TNS1: variants seen among roughly 807,000 people sequenced by gnomAD.
TNS1 encodes tensin-1.
In TNS1, 62 loss-of-function variants were observed where a neutral mutation model predicts 168.6. The observed-to-expected ratio is 0.37, with a 90% CI of 0.30 to 0.45. TNS1 has a LOEUF of 0.45. TNS1 is among the 20% of genes least tolerant of loss of function. TNS1 has a pLI of 1.00. For missense variants in TNS1, 2,240 were observed against 2,339.4 expected (o/e 0.96, Z 0.88); for synonymous variants, 934 against 933.2 (o/e 1.00, Z -0.02).
chr2:217,822,870 G>A (rs1220000982), intron 22 of TNS1, among the ~76,000 whole-genome samples: 1 of 152,162 alleles, frequency 6.6e-6, no homozygotes, highest in Non-Finnish European at 1.5e-5. Flanking sequence ...AGAAGCAACA[G>A]AACGCTCTTG....
At chr2:217,896,181 A>C (rs1952275221) in intron 8 of TNS1, among the ~76,000 whole-genome samples, 1 of 152,260 alleles carries the variant, frequency 6.6e-6, no homozygotes, top group African/African-American at 2.4e-5. Flanking sequence ...TAGTAAAGGC[A>C]GAGCCAGAAT....
At chr2:217,927,347 GGAA>G (rs1480098935) in intron 3 of TNS1, among the ~76,000 whole-genome samples, 1 of 152,190 alleles carries the variant, frequency 6.6e-6, no homozygotes, top group African/African-American at 2.4e-5. Context: ...AGGGATGAAG[GGAA>G]GAAGGATGGC....
chr2:217,863,427 T>C (rs1478509102), intron 18 of TNS1, among the ~76,000 whole-genome samples: 1 of 152,042 alleles, frequency 6.6e-6, no homozygotes, highest in Non-Finnish European at 1.5e-5. Context: ...CATCCTACAA[T>C]ACACAGGACA....
chr2:217,836,019 T>A lies in TNS1; in HGVS notation c.3200A>T (p.Lys1067Ile). Reference protein sequence around the residue: ...TIALNPGGRPKEPHLHSYKEA... With the variant: ...TIALNPGGRPIEPHLHSYKEA... ...AGATACAGCTTAAGGACTCACCTCT[T>A]TGGGCCGCCCTCCAGGATTGAGAGC... The change falls in exon 20 of 33, where the codon AAA becomes ATA. Residue 1067 changes from lysine (K) to isoleucine (I), a missense_variant. Around this residue, in one of 2 missense-constraint regions of TNS1, gnomAD observed 2,131 missense variants for 2,171.2 expected, o/e 0.98. Coordinates refer to ENST00000682258, the MANE Select transcript of TNS1 (RefSeq NM_001387777.1). The A allele has an allele frequency of 6.2e-7, 1 of 1,612,666 alleles. No individual in the cohort carries two copies. Among genetic ancestry groups the A allele is most frequent in the Non-Finnish European group, 8.5e-7 (1 of 1,178,950 alleles).
chr2:217,883,339 A>G (rs1446006372), intron 16 of TNS1, among the ~76,000 whole-genome samples: 1 of 152,138 alleles, frequency 6.6e-6, no homozygotes, highest in Admixed American at 6.5e-5. Flanking sequence ...ATCATAGCTC[A>G]CTGCAGCCTT....
chr2:217,883,373 T>C (rs927719533), intron 16 of TNS1, among the ~76,000 whole-genome samples: 10 of 152,188 alleles, frequency 6.6e-5, no homozygotes, highest in African/African-American at 1.4e-4. Flanking sequence ...CAAGTGATCC[T>C]CCTGCCTCAG....
At chr2:218,012,660 A>G (rs1172797681), upstream of TNS1, among the ~76,000 whole-genome samples, 2 of 151,908 alleles carry the variant, frequency 1.3e-5, no homozygotes, top group Non-Finnish European at 2.9e-5. Flanking sequence ...TACCCCATAT[A>G]GCTTCATGCC....
chr2:217,885,636 G>A (rs6714587), intron 15 of TNS1, 108 bp downstream of exon 15: 141,035 of 1,159,242 alleles, frequency 0.12, 12,309 homozygotes, highest in African/African-American at 0.35. Context: ...TCCAAGCCTG[G>A]CAGCCCAGGA....
At chr2:217,898,031 G>A (rs1952509751) in intron 7 of TNS1, 62 bp from the exon 8 acceptor site, 1 of 1,518,098 alleles carries the variant, frequency 6.6e-7, no homozygotes, top group Non-Finnish European at 8.8e-7. Context: ...GAAGGCCCCA[G>A]ATAGCTGCAC....
intron 3 of TNS1, among the ~76,000 whole-genome samples, chr2:217,926,445 GAGA>G (rs1378702078): frequency 1.3e-5 from 2 of 152,202 alleles, no homozygotes; most frequent in Non-Finnish European, 2.9e-5. Flanking sequence ...GTTGCTTCCA[GAGA>G]AGTTCTTTGC....
intron 3 of TNS1, among the ~76,000 whole-genome samples, chr2:217,961,784 G>C (rs1575140824): frequency 6.6e-6 from 1 of 152,138 alleles, no homozygotes; most frequent in Admixed American, 6.5e-5. Context: ...GTGATGATGA[G>C]TTCTCTGTAT....
At chr2:217,972,889 G>C (rs1957803742) in intron 3 of TNS1, among the ~76,000 whole-genome samples, 1 of 152,168 alleles carries the variant, frequency 6.6e-6, no homozygotes, top group African/African-American at 2.4e-5. Flanking sequence ...ACTATCCTTT[G>C]CAACTTTTCT....
intron 3 of TNS1, among the ~76,000 whole-genome samples, chr2:217,962,917 C>T (rs1451473866): frequency 2.6e-5 from 4 of 152,120 alleles, no homozygotes; most frequent in South Asian, 2.1e-4. Context: ...CTCAGATTAA[C>T]GTCAGATCAA....
chr2:217,826,563 C>G (rs1328247697), intron 22 of TNS1, among the ~76,000 whole-genome samples: 5 of 152,152 alleles, frequency 3.3e-5, no homozygotes, highest in Non-Finnish European at 5.9e-5. Flanking sequence ...TCTTTCCTGC[C>G]AATTCCAGGC....
chr2:217,980,506 C>CAGAGAGAGAGAGAGAG (rs3842558), intron 2 of TNS1, among the ~76,000 whole-genome samples: 4 of 117,574 alleles, frequency 3.4e-5, no homozygotes, highest in South Asian at 2.6e-4. Context: ...TACACACACA[C>CAGAGAGAGAGAGAGAG]AGAGAGAGAG....
intron 3 of TNS1, among the ~76,000 whole-genome samples, chr2:217,967,787 A>G (rs1957684588): frequency 6.6e-6 from 1 of 152,216 alleles, no homozygotes; most frequent in Admixed American, 6.5e-5. Context: ...CAAAACATAG[A>G]AGACAAACAA....
At chr2:217,977,245 G>A (rs548907256) in intron 3 of TNS1, among the ~76,000 whole-genome samples, 81 of 152,306 alleles carry the variant, frequency 5.3e-4, no homozygotes, top group African/African-American at 1.9e-3. Context: ...AGAACAAGGA[G>A]GGAGGTGGAA....
Position 217,860,025 on chromosome 2 carries a change from G to C in TNS1, c.1430-10938C>G, listed in dbSNP as rs1025379498. Among the ~76,000 whole-genome samples the C allele has an allele frequency of 6.2e-4, 95 of 152,218 alleles. 2 individuals carry two copies. Among genetic ancestry groups the C allele is most frequent in the African/African-American group, 2.2e-3 (90 of 41,456 alleles). On this transcript the variant is annotated intron_variant, in intron 18 of 32. Transcript: ENST00000682258. ...GAGCTTCAGCGACTGGTGTCTCCAT[G>C]CAGAGGGCCCCAGTTAGTTTGCAAC...
Position 217,896,465 on chromosome 2 carries a change from C to T in TNS1, c.543+1333G>A, listed in dbSNP as rs148779339. On this transcript the variant is annotated intron_variant, in intron 8 of 32. Coordinates refer to ENST00000682258, the MANE Select transcript of TNS1 (RefSeq NM_001387777.1). ...ACACACAGAGAGACACTGAAGAAGGCCACGTGGAGATGGAGGTAGAGATTG... is the reference window on the plus strand; with the variant it reads ...ACACACAGAGAGACACTGAAGAAGGTCACGTGGAGATGGAGGTAGAGATTG... Among the ~76,000 whole-genome samples the T allele has an allele frequency of 3.5e-3, 540 of 152,254 alleles. 2 individuals are homozygous for T. The highest frequency in any genetic ancestry group is 0.024 in the Middle Eastern group (7 of 294).
Sources: gnomAD v4.1 joint callset for allele counts (sites outside exome capture counted in the v4.1 genomes callset) on GRCh38, gnomAD v4.1.1 for gene constraint, gnomAD v4.1.1 regional missense constraint, MANE v1.5 for transcripts, NCBI Gene and HGNC (gene_info 2026-07-23, HGNC 2026-07-21) for gene names.